The following RUNX2 variants were observed in gnomAD, a reference collection of about 807,000 sequenced individuals.
RUNX2 encodes RUNX family transcription factor 2.
Under a neutral mutation model 51.7 loss-of-function variants are expected in RUNX2, and 10 were observed. The ratio of observed to expected loss-of-function variants is 0.19; its 90% confidence interval spans 0.12 to 0.33. The LOEUF (loss-of-function observed/expected upper bound fraction) is 0.33. Among genes scored for constraint, RUNX2 ranks in the 10% least tolerant of loss-of-function variants. The pLI is 1.00. For synonymous variants in RUNX2, 276 were observed against 273.6 expected, an observed-to-expected ratio of 1.01 and a Z score of -0.09; for missense variants, 562 against 691.3, an observed-to-expected ratio of 0.81 and a Z score of 2.10.
chr6:45,379,726 C>A (rs1797187979), intron 2 of RUNX2, among the ~76,000 whole-genome samples: 1 of 152,028 alleles, frequency 6.6e-6, no homozygotes, highest in Non-Finnish European at 1.5e-5. Flanking sequence ...AGTATCCGGG[C>A]GTGGTGGCAC....
chr6:45,363,427 G>A (rs1367144240), intron 2 of RUNX2, among the ~76,000 whole-genome samples: 1 of 152,032 alleles, frequency 6.6e-6, no homozygotes, highest in Non-Finnish European at 1.5e-5. Flanking sequence ...GGTTAAATAA[G>A]ACTGGAAAAA....
rs1437404622 is a variant in RUNX2, at chr6:45,533,070, C to A, written c.1022-12147C>A. ...GCCACAAACAGATGTTGAAAATGTC[C>A]ATTTGTGGCGAGTTTATTACTATAG... is the stretch of plus-strand genomic sequence containing the variant. On this transcript the variant is annotated intron_variant, in intron 7 of 8. Transcript: ENST00000647337. Among the ~76,000 whole-genome samples, 8 of 152,040 alleles carry A rather than the reference C, an allele frequency of 5.3e-5. No homozygotes were observed. The East Asian group carries it at 1.4e-3, about 26-fold the overall frequency.
chr6:45,368,991 T>C (rs1795602394), intron 2 of RUNX2, among the ~76,000 whole-genome samples: 1 of 109,954 alleles, frequency 9.1e-6, no homozygotes, highest in African/African-American at 3.0e-5. Context: ...AAATGGTCAA[T>C]CACTGAGAAT....
intron 2 of RUNX2, among the ~76,000 whole-genome samples, chr6:45,386,323 T>C (rs1797347965): frequency 6.6e-6 from 1 of 152,184 alleles, no homozygotes; most frequent in Admixed American, 6.5e-5. Flanking sequence ...CACCTCGGCC[T>C]CCCAAAGTGC....
At chr6:45,471,601 C>A (rs944994856) in intron 5 of RUNX2, among the ~76,000 whole-genome samples, 4 of 152,102 alleles carry the variant, frequency 2.6e-5, no homozygotes, top group Admixed American at 6.5e-5. Context: ...CCCACCACCA[C>A]GCCCAGCTAA....
At chr6:45,371,988 G>C (rs530091694) in intron 2 of RUNX2, 1 of 879,602 alleles carries the variant, frequency 1.1e-6, no homozygotes, top group Non-Finnish European at 1.4e-6. Flanking sequence ...CCCGACACCT[G>C]GTCCAGAGTT....
intron 2 of RUNX2, among the ~76,000 whole-genome samples, chr6:45,365,671 A>AC (rs1393407875): frequency 1.4e-5 from 2 of 145,876 alleles, no homozygotes; most frequent in Admixed American, 1.4e-4. Context: ...TTCTAGATGG[A>AC]CCCCAAGCAC....
intron 5 of RUNX2, among the ~76,000 whole-genome samples, chr6:45,471,569 C>T (rs1217145891): frequency 6.6e-6 from 1 of 151,796 alleles, no homozygotes; most frequent in African/African-American, 2.4e-5. Context: ...CTCAGCCTCC[C>T]CAGCAGCTGG....
intron 5 of RUNX2, among the ~76,000 whole-genome samples, chr6:45,480,633 T>TA (rs1266806003): frequency 2.6e-5 from 4 of 152,224 alleles, no homozygotes; most frequent in African/African-American, 9.6e-5. Context: ...TATTAATGTC[T>TA]AGCAAGCAGA....
At chr6:45,388,591 T>C (rs72862922) in intron 2 of RUNX2, among the ~76,000 whole-genome samples, 21 of 152,340 alleles carry the variant, frequency 1.4e-4, no homozygotes, top group South Asian at 4.1e-4. Flanking sequence ...CTAGAGCATC[T>C]ACAGAATTTG....
intron 5 of RUNX2, among the ~76,000 whole-genome samples, chr6:45,478,867 A>G (rs1472255024): frequency 6.6e-6 from 1 of 151,904 alleles, no homozygotes; most frequent in African/African-American, 2.4e-5. Flanking sequence ...ATTCCATAGG[A>G]CAGACTTTTT....
intron 5 of RUNX2, among the ~76,000 whole-genome samples, chr6:45,465,717 A>G (rs924313647): frequency 6.0e-5 from 9 of 150,214 alleles, no homozygotes; most frequent in African/African-American, 2.2e-4. Flanking sequence ...ATTTTGGCTC[A>G]CTGAAGCCTC....
intron 2 of RUNX2, among the ~76,000 whole-genome samples, chr6:45,360,312 C>G (rs1214089999): frequency 6.6e-6 from 1 of 152,146 alleles, no homozygotes; most frequent in Non-Finnish European, 1.5e-5. Context: ...TGGAAGTACT[C>G]AAGAGAGTGC....
rs146800540 is a variant in RUNX2 at position 45,467,301 on chromosome 6, A to G, written c.686-24640A>G. ...TTTATTTATTTACTTTTATTTTTTG[A>G]GACGAAGTCTCCCTCTGTCGCTCAG... On this transcript the variant is annotated intron_variant, in intron 5 of 8. Coordinates refer to ENST00000647337, the MANE Select transcript of RUNX2 (RefSeq NM_001024630.4). Among the ~76,000 whole-genome samples the G allele has an allele frequency of 2.2e-4, 34 of 151,944 alleles. No individual in the cohort carries two copies. The East Asian group carries it at 5.6e-3, about 25-fold the overall frequency.
rs758081485 is a variant in RUNX2, at chr6:45,422,768, GGCGGCGGCGGCGGCT to G, written c.246_260del (p.Ala85_Ala89del). 8.9e-6 allele frequency: 12 copies of G among 1,343,596 alleles called. No individual in the cohort carries two copies. Among genetic ancestry groups the G allele is most frequent in the Admixed American group, 3.2e-5 (1 of 31,244 alleles). 83.2% of individuals were successfully genotyped at this position (1,343,596 alleles called of 1,614,324 possible). A position where few individuals can be genotyped will look rare whatever the true frequency, so the allele number is the denominator to read the frequency against. On this transcript the variant is annotated inframe_deletion, in exon 3 of 9. Coordinates refer to ENST00000647337, the MANE Select transcript of RUNX2 (RefSeq NM_001024630.4). ...AGCAGGAGGCGGCGGCGGCGGCTGCGGCGGCGGCGGCGGCTGCGGCGGCGGCAGCTGCAGTGCCCC... is the reference window on the plus strand; with the variant it reads ...AGCAGGAGGCGGCGGCGGCGGCTGCGGCGGCGGCGGCAGCTGCAGTGCCCC...
At chr6:45,398,620 C>G (rs919888285) in intron 2 of RUNX2, among the ~76,000 whole-genome samples, 2 of 152,196 alleles carry the variant, frequency 1.3e-5, no homozygotes, top group South Asian at 2.1e-4. Context: ...TTATGTAGAA[C>G]ATTTTTTTCT....
intron 5 of RUNX2, among the ~76,000 whole-genome samples, chr6:45,461,999 C>T (rs905666405): frequency 6.6e-6 from 1 of 151,942 alleles, no homozygotes; most frequent in Non-Finnish European, 1.5e-5. Context: ...AGAATTCTGT[C>T]AAATATAAGC....
At chr6:45,444,159 G>C (rs1305151189) in intron 5 of RUNX2, among the ~76,000 whole-genome samples, 2 of 152,190 alleles carry the variant, frequency 1.3e-5, no homozygotes, top group Non-Finnish European at 2.9e-5. Flanking sequence ...CAAGATTAGA[G>C]GTTTTATACT....
At chr6:45,475,813 T>C (rs551898055) in intron 5 of RUNX2, among the ~76,000 whole-genome samples, 2 of 152,334 alleles carry the variant, frequency 1.3e-5, no homozygotes, top group South Asian at 4.1e-4. Flanking sequence ...GAATAACAAT[T>C]TATACGGTGA....
Sources: gnomAD v4.1 joint callset for allele counts (sites outside exome capture counted in the v4.1 genomes callset) on GRCh38, gnomAD v4.1.1 for gene constraint, MANE v1.5 for transcripts, NCBI Gene and HGNC (gene_info 2026-07-23, HGNC 2026-07-21) for gene names.